The following ZP4 variants were observed in gnomAD, a reference collection of about 807,000 sequenced individuals.
ZP4 encodes the protein zona pellucida glycoprotein 4.
A neutral mutation model predicts 62.3 loss-of-function variants in ZP4; 62 were observed. That is an observed-to-expected ratio of 0.99 (90% confidence interval 0.81 to 1.23). The LOEUF is 1.23. ZP4 is among the 50% of genes most tolerant of loss of function. ZP4 has a pLI of 0.00. For synonymous variants in ZP4, 289 were observed against 247.3 expected (o/e 1.17, Z -1.58); for missense variants, 774 against 656.0 (o/e 1.18, Z -1.97).
At chr1:237,889,732 G>A in intron 3 of ZP4, 135 bp downstream of exon 3, 1 of 799,800 alleles carries the variant, frequency 1.3e-6, no homozygotes, top group South Asian at 1.5e-5. Context: ...TGCCCATGGA[G>A]GTGAGAGTTG....
chr1:237,884,186 A>G (rs922937273), intron 10 of ZP4, among the ~76,000 whole-genome samples: 6 of 152,126 alleles, frequency 3.9e-5, no homozygotes, highest in Admixed American at 3.3e-4. Flanking sequence ...GATAATATGC[A>G]TTTTTGGAGA....
In ZP4 at chr1:237,885,754, AC is replaced by A; in HGVS notation, c.970+1del. ...CAGATACTCCAGCCAAGGGGGTCAT[AC>A]CTTTGGCAATCTGAAGTTCCAGAGT... On this transcript the variant is annotated splice_donor_variant, in intron 7 of 11. Transcript: ENST00000366570. LOFTEE classifies it high-confidence loss of function. 1 of 1,614,016 alleles carries A rather than the reference AC, an allele frequency of 6.2e-7. No individual in the cohort carries two copies. The highest frequency in any genetic ancestry group is 8.5e-7 in the Non-Finnish European group (1 of 1,179,964).
Position 237,889,852 on chromosome 1 carries a change from G to A in ZP4, c.400+15C>T, listed in dbSNP as rs758470816. On this transcript the variant is annotated intron_variant, in intron 3 of 11. Transcript: ENST00000366570. ...CCACCACCCCCACAAGACCCTGAGA[G>A]CTTCCAGCCTTTACCTAGAAGATCC... 13 of 1,537,418 alleles carry A rather than the reference G, an allele frequency of 8.5e-6. No individual in the cohort carries two copies. The South Asian group carries it at 1.1e-4, about 13-fold the overall frequency.
chr1:237,888,406 A>C lies in ZP4; in HGVS notation c.505T>G (p.Cys169Gly), dbSNP rs538950786. The change falls in exon 4 of 12, where the codon TGT becomes GGT. Residue 169 changes from cysteine to glycine, a missense_variant. Cys to Gly is a radical substitution (Grantham distance 159). Coordinates refer to ENST00000366570, the MANE Select transcript of ZP4 (RefSeq NM_021186.5). ...TTCACCTCTTCAGAGCTATAACAAC[A>C]GCCTAGCCCTTCACAGTCTCCTCGA... ...ISRGDCEGLG[C>G]CYSSEEVNSC... The C allele has an allele frequency of 1.9e-6, 3 of 1,608,036 alleles. No individual in the cohort carries two copies. The highest frequency in any genetic ancestry group is 1.7e-5 in the Admixed American group (1 of 59,714).
intron 10 of ZP4, among the ~76,000 whole-genome samples, chr1:237,883,617 GGTGGGAGAGAGGGGGA>G (rs1664967208): frequency 3.4e-5 from 3 of 87,966 alleles, no homozygotes; most frequent in South Asian, 4.7e-4. Flanking sequence ...AGGAGGCTGA[GGTGGGAGAGAGGGGGA>G]GGGGGAGGGC....
rs377718590 is a variant in ZP4, at chr1:237,890,225, G to A, written c.176-49C>T. 1.3e-4 allele frequency: 204 copies of A among 1,611,130 alleles called. No individual in the cohort carries two copies. The African/African-American group carries it at 2.2e-3, about 18-fold the overall frequency. On this transcript the variant is annotated intron_variant, in intron 1 of 11. Transcript: ENST00000366570. ...GAAAACACAGCGGTCAGTCTCCAGTGCCAGAAAGGATAGTCAGCCTTGCCA... is the reference window on the plus strand; with the variant it reads ...GAAAACACAGCGGTCAGTCTCCAGTACCAGAAAGGATAGTCAGCCTTGCCA...
chr1:237,885,020 T>C (rs2103016876), intron 9 of ZP4, 145 bp downstream of exon 9: 1 of 1,250,292 alleles, frequency 8.0e-7, no homozygotes, highest in Middle Eastern at 2.3e-4. Flanking sequence ...GTCACTCATG[T>C]AATTAGTAAC....
chr1:237,884,456 T>C (rs569080884), intron 10 of ZP4, among the ~76,000 whole-genome samples: 11 of 152,330 alleles, frequency 7.2e-5, no homozygotes, highest in African/African-American at 2.4e-4. Context: ...GGTACAGACA[T>C]GTTTCTCAAC....
At position 237,885,263 on chromosome 1, in the gene ZP4, C is replaced by T. The variant is rs745805984; in HGVS notation, c.1213G>A (p.Ala405Thr). The change falls in exon 9 of 12, where the codon GCC (alanine) becomes ACC (threonine). Residue 405 changes from alanine (A) to threonine (T), a missense_variant. Coordinates refer to ENST00000366570, the MANE Select transcript of ZP4 (RefSeq NM_021186.5). ...TGAGAGGGAAATGGAAGATCCAAGG[C>T]TTTCTGGACAGGGATCAGCTGGGTC... The part of the protein sequence containing the change: ...YQTQLIPVQK[A>T]LDLPFPSHHQ... The T allele has an allele frequency of 2.5e-6, 4 of 1,614,140 alleles. No individual in the cohort carries two copies. The highest frequency in any genetic ancestry group is 3.4e-6 in the Non-Finnish European group (4 of 1,180,030).
At chr1:237,884,900 CT>C in intron 9 of ZP4, 53 bp from the exon 10 acceptor site, 1 of 1,570,312 alleles carries the variant, frequency 6.4e-7, no homozygotes, top group Non-Finnish European at 8.7e-7. Context: ...CCATGTATCT[CT>C]AAACCTGCTT....
chr1:237,883,956 TCACACA>T (rs142077564), intron 10 of ZP4, among the ~76,000 whole-genome samples: 76 of 127,118 alleles, frequency 6.0e-4, no homozygotes, highest in Non-Finnish European at 5.5e-4. Flanking sequence ...CAAGAACTGG[TCACACA>T]CACAAACACA....
chr1:237,887,256 A>C, intron 5 of ZP4, 118 bp downstream of exon 5: 1 of 1,234,046 alleles, frequency 8.1e-7, no homozygotes, highest in Non-Finnish European at 1.1e-6. Flanking sequence ...GACTCTCCCA[A>C]ACTCCAAGTA....
intron 3 of ZP4, 102 bp from the exon 4 acceptor site, chr1:237,888,612 G>A (rs1326906476): frequency 2.6e-6 from 3 of 1,165,268 alleles, no homozygotes; most frequent in Non-Finnish European, 3.6e-6. Context: ...TAGATATGTA[G>A]ATGATTGAAA....
intron 5 of ZP4, 88 bp from the exon 6 acceptor site, chr1:237,886,956 C>T: frequency 2.6e-6 from 3 of 1,134,252 alleles, no homozygotes; most frequent in Non-Finnish European, 1.3e-6. Flanking sequence ...AGCAATGCTA[C>T]CCTGTTGTAT....
In ZP4 at chr1:237,883,967, A is replaced by ACACACACACAAACACACACACACAAAC. The variant is rs1665009572; in HGVS notation, c.1390+801_1390+802insGTTTGTGTGTGTGTGTTTGTGTGTGTG. Among the ~76,000 whole-genome samples the ACACACACACAAACACACACACACAAAC allele has an allele frequency of 6.1e-4, 53 of 86,566 alleles. 1 individual carries two copies. Among genetic ancestry groups the ACACACACACAAACACACACACACAAAC allele is most frequent in the Admixed American group, 1.1e-3 (9 of 8,396 alleles). 56.8% of individuals were successfully genotyped at this position (86,566 alleles called of 152,430 possible). A position where few individuals can be genotyped will look rare whatever the true frequency, so the allele number is the denominator to read the frequency against. On this transcript the variant is annotated intron_variant, in intron 10 of 11. Transcript: ENST00000366570. ...AGAGCAAGAACTGGTCACACACACA[A>ACACACACACAAACACACACACACAAAC]ACACACACACACACAAACACACACA...
chr1:237,885,172 C>A lies in ZP4; in HGVS notation c.1304G>T (p.Arg435Met), dbSNP rs780721219. 2 of 1,613,532 alleles carry A rather than the reference C, an allele frequency of 1.2e-6. No homozygotes were observed. The highest frequency in any genetic ancestry group is 2.7e-5 in the African/African-American group (2 of 74,890). ...VNPTVEKQAL[R>M]GPVHLHCSVS... Reference sequence around the variant, plus strand: ...TGGAAGGGAACATCCTACCGGTCCCCTGAGGGCCTGTTTCTCCACTGTAGG... The same window carrying A: ...TGGAAGGGAACATCCTACCGGTCCCATGAGGGCCTGTTTCTCCACTGTAGG... The change falls in exon 9 of 12, where the codon AGG (arginine) becomes ATG (methionine). Residue 435 changes from arginine (R) to methionine (M), a missense_variant. Coordinates refer to ENST00000366570, the MANE Select transcript of ZP4 (RefSeq NM_021186.5).
At position 237,889,859 on chromosome 1, in the gene ZP4, G is replaced by C. The variant is rs755528655; in HGVS notation, c.400+8C>G. 8.8e-6 allele frequency: 13 copies of C among 1,479,408 alleles called. No individual in the cohort carries two copies. The African/African-American group carries it at 1.8e-4, about 20-fold the overall frequency. The allele number at this position is 1,479,408 out of a possible 1,614,324, so 91.6% of individuals were successfully genotyped here. A position where few individuals can be genotyped will look rare whatever the true frequency, so the allele number is the denominator to read the frequency against. On this transcript the variant is annotated splice_region_variant and intron_variant, in intron 3 of 11. Transcript: ENST00000366570. ...CCCCACAAGACCCTGAGAGCTTCCAGCCTTTACCTAGAAGATCCATAGGAC... is the reference window on the plus strand; with the variant it reads ...CCCCACAAGACCCTGAGAGCTTCCACCCTTTACCTAGAAGATCCATAGGAC...
intron 10 of ZP4, 97 bp downstream of exon 10, chr1:237,884,672 A>C (rs779119458): frequency 1.8e-6 from 2 of 1,133,912 alleles, no homozygotes; most frequent in Non-Finnish European, 2.6e-6. Flanking sequence ...TAGTAAGATG[A>C]ATCTTCAGTT....
rs1258043805 is a variant in ZP4, at chr1:237,885,753, T to TAC, written c.970+1_970+2dup. ...CCAGATACTCCAGCCAAGGGGGTCA[T>TAC]ACCTTTGGCAATCTGAAGTTCCAGA... On this transcript the variant is annotated splice_region_variant and intron_variant, in intron 7 of 11. Transcript: ENST00000366570. 8 of 1,613,928 alleles carry TAC rather than the reference T, an allele frequency of 5.0e-6. No individual in the cohort carries two copies. Among genetic ancestry groups the TAC allele is most frequent in the Non-Finnish European group, 6.8e-6 (8 of 1,179,986 alleles).
Sources: allele counts gnomAD v4.1 joint callset (sites outside exome capture counted in the v4.1 genomes callset), GRCh38; gene constraint gnomAD v4.1.1; transcripts MANE v1.5; gene names NCBI Gene and HGNC (gene_info 2026-07-23, HGNC 2026-07-21).